SLC22A23: variants seen among roughly 807,000 people sequenced by gnomAD.
The protein encoded by SLC22A23 is ion transporter protein.
A neutral mutation model predicts 61.0 loss-of-function variants in SLC22A23; 26 were observed. The ratio of observed to expected loss-of-function variants is 0.43; its 90% CI spans 0.31 to 0.59. The LOEUF (loss-of-function observed/expected upper bound fraction) is 0.59. SLC22A23 is among the 20% of genes least tolerant of loss of function. SLC22A23 has a pLI of 0.11. For synonymous variants in SLC22A23, 430 were observed against 413.9 expected (o/e 1.04, Z -0.47); for missense variants, 796 against 934.7 (o/e 0.85, Z 1.94).
At chr6:3,303,052 C>A (rs1440472043) in intron 4 of SLC22A23, 1 of 152,022 alleles carries the variant, frequency 6.6e-6, no homozygotes, top group Admixed American at 6.6e-5. Flanking sequence ...GGACAATAAT[C>A]TGAATAGACA....
chr6:3,326,240 T>G (rs897882207), intron 3 of SLC22A23, among the ~76,000 whole-genome samples: 1 of 152,258 alleles, frequency 6.6e-6, no homozygotes, highest in African/African-American at 2.4e-5. Context: ...AATTATTAAA[T>G]GGTCATAGCT....
chr6:3,294,282 G>A (rs9378775), intron 5 of SLC22A23, among the ~76,000 whole-genome samples: 43,720 of 151,868 alleles, frequency 0.29, 9,143 homozygotes, highest in African/African-American at 0.58. Context: ...TTGAGCATTC[G>A]ACATTCTACA....
At chr6:3,279,019 C>G (rs142457526) in intron 9 of SLC22A23, among the ~76,000 whole-genome samples, 11 of 152,248 alleles carry the variant, frequency 7.2e-5, no homozygotes, top group African/African-American at 2.6e-4. Context: ...TGCATTGTGC[C>G]TGGTGAACCA....
intron 3 of SLC22A23, among the ~76,000 whole-genome samples, chr6:3,395,112 A>G (rs565063912): frequency 6.6e-6 from 1 of 152,328 alleles, no homozygotes; most frequent in Admixed American, 6.5e-5. Context: ...CAGTCTACAG[A>G]AGTTTTAAAA....
Position 3,324,031 on chromosome 6 carries a change from T to G in SLC22A23, c.914-29A>C. ...GAACACAGAACCAATGAGAGAGAGATGAGTGCCCTGCTCGACAGCCCGAGA... is the reference window on the plus strand; with the variant it reads ...GAACACAGAACCAATGAGAGAGAGAGGAGTGCCCTGCTCGACAGCCCGAGA... On this transcript the variant is annotated intron_variant, in intron 3 of 9. Transcript: ENST00000406686. This position sits in a 1 kb window ranked among gnomAD's most constrained non-coding sequence, Gnocchi z 4.3. The G allele has an allele frequency of 6.2e-7, 1 of 1,607,028 alleles. No homozygotes were observed. Among genetic ancestry groups the G allele is most frequent in the Non-Finnish European group, 8.5e-7 (1 of 1,174,344 alleles).
At chr6:3,280,952 G>A (rs954942486) in intron 9 of SLC22A23, among the ~76,000 whole-genome samples, 2 of 152,152 alleles carry the variant, frequency 1.3e-5, no homozygotes, top group African/African-American at 2.4e-5. Context: ...AGGCCTGTCC[G>A]ACTTATGATC....
chr6:3,329,984 A>C lies in SLC22A23; in HGVS notation c.914-5982T>G, dbSNP rs1210394528. The stretch of plus-strand genomic sequence containing the variant: ...GGAACGAGAAATCCTTCCAGAGGCC[A>C]CTGCTGAACGGCCCGGCCATCCTCT... On this transcript the variant is annotated intron_variant, in intron 3 of 9. Coordinates refer to ENST00000406686, the MANE Select transcript of SLC22A23 (RefSeq NM_015482.2). The surrounding 1 kb of genome is among the most constrained non-coding windows in gnomAD (Gnocchi z 4.8). 2.0e-5 allele frequency among the ~76,000 whole-genome samples: 3 copies of C among 152,236 alleles called. No homozygotes were observed.
intron 1 of SLC22A23, among the ~76,000 whole-genome samples, chr6:3,430,078 T>C: frequency 6.6e-6 from 1 of 152,142 alleles, no homozygotes; most frequent in East Asian, 1.9e-4. Flanking sequence ...CAAAAAAAAG[T>C]TTAAAGAAAG....
intron 1 of SLC22A23, 116 bp downstream of exon 1, chr6:3,455,790 G>A: frequency 8.0e-7 from 1 of 1,254,620 alleles, no homozygotes; most frequent in South Asian, 1.6e-5. Context: ...AATGCGGAAT[G>A]CCCTACACAC....
At chr6:3,305,237 C>G (rs1174374911) in intron 4 of SLC22A23, among the ~76,000 whole-genome samples, 1 of 152,158 alleles carries the variant, frequency 6.6e-6, no homozygotes, top group East Asian at 1.9e-4. Context: ...CAGGATTACA[C>G]AGCTATTTAA....
intron 1 of SLC22A23, among the ~76,000 whole-genome samples, chr6:3,433,296 G>T (rs185370116): frequency 1.3e-5 from 2 of 152,210 alleles, no homozygotes; most frequent in African/African-American, 4.8e-5. Flanking sequence ...TGCCCAAATG[G>T]TACTAGCACC....
chr6:3,450,227 T>C (rs1772098058), intron 1 of SLC22A23, among the ~76,000 whole-genome samples: 2 of 152,200 alleles, frequency 1.3e-5, no homozygotes, highest in South Asian at 2.1e-4. Flanking sequence ...TAAAAATAGA[T>C]ATGCATGAAG....
At chr6:3,392,768 G>C (rs75553317) in intron 3 of SLC22A23, among the ~76,000 whole-genome samples, 3,549 of 152,302 alleles carry the variant, frequency 0.023, 148 homozygotes, top group East Asian at 0.16. Context: ...GAGGATGTGG[G>C]AGGAAGGAGG....
intron 5 of SLC22A23, among the ~76,000 whole-genome samples, chr6:3,296,271 TG>T (rs1210405300): frequency 6.6e-6 from 1 of 152,178 alleles, no homozygotes; most frequent in Non-Finnish European, 1.5e-5. Context: ...CAGGGAAGTT[TG>T]TATCTATCCA....
At chr6:3,407,560 C>G (rs1768923083) in intron 3 of SLC22A23, among the ~76,000 whole-genome samples, 1 of 152,206 alleles carries the variant, frequency 6.6e-6, no homozygotes, top group Admixed American at 6.5e-5. Context: ...TCTCAACCAA[C>G]TCTCCTAAAT....
At chr6:3,335,248 A>G (rs561890412) in intron 3 of SLC22A23, among the ~76,000 whole-genome samples, 4 of 152,320 alleles carry the variant, frequency 2.6e-5, no homozygotes, top group Admixed American at 2.0e-4. Flanking sequence ...TCTAAACCCA[A>G]GCAAAACGGT....
rs1006273917 is a variant in SLC22A23, at chr6:3,318,039, T to C, written c.1082+5795A>G. The stretch of plus-strand genomic sequence containing the variant: ...TTCCTTGCATCACCAGAGACTCCTG[T>C]GCTCACTGCACCCCCTGCCAAGTCC... On this transcript the variant is annotated intron_variant, in intron 4 of 9. Transcript: ENST00000406686. This position sits in a 1 kb window ranked among gnomAD's most constrained non-coding sequence, Gnocchi z 4.3. Among the ~76,000 whole-genome samples, 10 of 152,254 alleles carry C rather than the reference T, an allele frequency of 6.6e-5. No homozygotes were observed. The highest frequency in any genetic ancestry group is 3.4e-3 in the Middle Eastern group (1 of 294).
intron 6 of SLC22A23, among the ~76,000 whole-genome samples, chr6:3,289,279 G>A (rs553927606): frequency 6.6e-6 from 1 of 152,382 alleles, no homozygotes; most frequent in South Asian, 2.1e-4. Flanking sequence ...AGGGCCCTGG[G>A]AGGAGGTCTG....
intron 6 of SLC22A23, among the ~76,000 whole-genome samples, chr6:3,287,979 C>T (rs1760207987): frequency 6.6e-6 from 1 of 152,182 alleles, no homozygotes; most frequent in Non-Finnish European, 1.5e-5. Flanking sequence ...GCCACCGCAC[C>T]CGGCCTCCGT....
Sources: allele counts gnomAD v4.1 joint callset (sites outside exome capture counted in the v4.1 genomes callset), GRCh38; gene constraint gnomAD v4.1.1; non-coding constraint Gnocchi (gnomAD v3.1); transcripts MANE v1.5; gene names NCBI Gene and HGNC (gene_info 2026-07-23, HGNC 2026-07-21).